The following APBA2 variants were observed in gnomAD, a reference collection of about 807,000 sequenced individuals.
APBA2 encodes the protein amyloid beta precursor protein binding family A member 2, also known as amyloid-beta A4 precursor protein-binding family A member 2.
Under a neutral mutation model 75.0 loss-of-function variants are expected in APBA2, and 30 were observed. The ratio of observed to expected loss-of-function variants is 0.40; its 90% confidence interval spans 0.30 to 0.54. The LOEUF (loss-of-function observed/expected upper bound fraction) is 0.54, where lower values mean the gene tolerates loss of function less well. Among genes scored for constraint, APBA2 ranks in the 20% least tolerant of loss-of-function variants. The pLI is 0.49. For missense variants in APBA2, 801 were observed against 1,016.1 expected (o/e 0.79, Z 2.88); for synonymous variants, 444 against 409.6 (o/e 1.08, Z -1.01).
Position 29,065,391 on chromosome 15 carries a change from C to T in APBA2, c.952-9530C>T, listed in dbSNP as rs527304716. On this transcript the variant is annotated intron_variant, in intron 4 of 14. Coordinates refer to ENST00000683413, the MANE Select transcript of APBA2 (RefSeq NM_001353788.2). The stretch of plus-strand genomic sequence containing the variant: ...GGTGTGCTTGCCCAAGATGTGATAG[C>T]GTGGTGATGGCAGACATGGGAGTTT... Among the ~76,000 whole-genome samples the T allele has an allele frequency of 6.7e-4, 102 of 152,272 alleles. 1 individual carries two copies. The highest frequency in any genetic ancestry group is 3.4e-3 in the Middle Eastern group (1 of 294).
intron 3 of APBA2, among the ~76,000 whole-genome samples, chr15:29,007,919 T>C (rs147932625): frequency 6.6e-6 from 1 of 152,316 alleles, no homozygotes; most frequent in Non-Finnish European, 1.5e-5. Context: ...CAAGGAAATA[T>C]CTGTACATTC....
At chr15:28,964,475 A>G (rs1350051139) in intron 2 of APBA2, among the ~76,000 whole-genome samples, 2 of 143,546 alleles carry the variant, frequency 1.4e-5, no homozygotes, top group Non-Finnish European at 3.0e-5. Context: ...ATATCTGTTC[A>G]TCACTTTTGC....
At chr15:28,988,240 T>C (rs190246325) in intron 2 of APBA2, among the ~76,000 whole-genome samples, 1 of 152,036 alleles carries the variant, frequency 6.6e-6, no homozygotes, top group East Asian at 1.9e-4. Context: ...GTAAATGATA[T>C]CACCTTGTAT....
chr15:28,990,245 A>G (rs1016917119), intron 2 of APBA2, among the ~76,000 whole-genome samples: 4 of 152,124 alleles, frequency 2.6e-5, no homozygotes, highest in Admixed American at 2.6e-4. Flanking sequence ...CTGCGTCTTT[A>G]CTAAAAATAC....
intron 4 of APBA2, among the ~76,000 whole-genome samples, chr15:29,073,464 C>T (rs2042713361): frequency 1.3e-5 from 2 of 152,232 alleles, no homozygotes; most frequent in Non-Finnish European, 2.9e-5. Context: ...GATTCTCCTG[C>T]CTCAGCCTCC....
At chr15:29,081,812 G>C (rs558839722) in intron 6 of APBA2, among the ~76,000 whole-genome samples, 1 of 152,356 alleles carries the variant, frequency 6.6e-6, no homozygotes. Flanking sequence ...ACTGATTGTT[G>C]GGAGATTTCC....
intron 3 of APBA2, among the ~76,000 whole-genome samples, chr15:28,997,417 A>G (rs1211077387): frequency 1.3e-5 from 2 of 152,202 alleles, no homozygotes; most frequent in East Asian, 3.9e-4. Context: ...TTAACTTTCT[A>G]CTTAGGGTTG....
At chr15:28,924,692 T>C (rs1044873343) in intron 2 of APBA2, among the ~76,000 whole-genome samples, 9 of 152,206 alleles carry the variant, frequency 5.9e-5, no homozygotes, top group African/African-American at 2.2e-4. Flanking sequence ...TTCCACCTTT[T>C]GACTGTCAGG....
chr15:29,109,174 A>T (rs906217675), intron 13 of APBA2, among the ~76,000 whole-genome samples: 1 of 152,128 alleles, frequency 6.6e-6, no homozygotes, highest in African/African-American at 2.4e-5. Flanking sequence ...TGTGGAGGTG[A>T]TGGGGAGGGT....
chr15:28,894,877 G>C (rs2032370649), intron 1 of APBA2, among the ~76,000 whole-genome samples: 1 of 151,984 alleles, frequency 6.6e-6, no homozygotes, highest in Admixed American at 6.5e-5. Context: ...TGCACTGCAT[G>C]GGGTGGGGAG....
At chr15:29,008,224 G>A (rs1331243529) in intron 3 of APBA2, among the ~76,000 whole-genome samples, 3 of 152,252 alleles carry the variant, frequency 2.0e-5, no homozygotes, top group Non-Finnish European at 4.4e-5. Context: ...TGGTTGCCAG[G>A]GGCTAGAAGG....
At chr15:29,098,983 C>T (rs2043988682) in intron 9 of APBA2, among the ~76,000 whole-genome samples, 1 of 151,942 alleles carries the variant, frequency 6.6e-6, no homozygotes, top group Non-Finnish European at 1.5e-5. Flanking sequence ...CAGGGGCGCC[C>T]TTCCTCATCC....
At chr15:29,056,659 C>CTCTCTCTCTT (rs1370506935) in intron 4 of APBA2, among the ~76,000 whole-genome samples, 1 of 135,404 alleles carries the variant, frequency 7.4e-6, no homozygotes, top group Non-Finnish European at 1.6e-5. Flanking sequence ...CTCTCTCTCT[C>CTCTCTCTCTT]TCTCTTTCTT....
chr15:29,086,391 C>T (rs2043293787), intron 6 of APBA2, among the ~76,000 whole-genome samples: 1 of 152,234 alleles, frequency 6.6e-6, no homozygotes, highest in African/African-American at 2.4e-5. Context: ...TTTTGAGCCA[C>T]TAAATTCCCG....
At position 29,101,689 on chromosome 15, in the gene APBA2, CG is replaced by C; in HGVS notation, c.1431del (p.Ser478GlnfsTer22). 6.2e-7 allele frequency: 1 copy of C among 1,613,680 alleles called. No homozygotes were observed. The highest frequency in any genetic ancestry group is 8.5e-7 in the Non-Finnish European group (1 of 1,180,034). On this transcript the variant is annotated frameshift_variant, in exon 10 of 15. Coordinates refer to ENST00000683413, the MANE Select transcript of APBA2 (RefSeq NM_001353788.2). LOFTEE classifies it high-confidence loss of function. ...GCTGATGGCCAGACGCCGCATGCCCCGGTCAGCCTCTCAGGACTGCATCGAG... is the reference window on the plus strand; with the variant it reads ...GCTGATGGCCAGACGCCGCATGCCCCGTCAGCCTCTCAGGACTGCATCGAG... The part of the protein sequence containing the change: ...VVLMARRRMP[R>X]SASQDCIETT...
chr15:28,992,235 A>G (rs1324629597), intron 2 of APBA2, among the ~76,000 whole-genome samples: 1 of 152,004 alleles, frequency 6.6e-6, no homozygotes. Context: ...CTCCCCAGCC[A>G]TTTGGGTCAC....
chr15:28,980,202 T>C (rs891968790), intron 2 of APBA2, among the ~76,000 whole-genome samples: 1 of 152,146 alleles, frequency 6.6e-6, no homozygotes, highest in Non-Finnish European at 1.5e-5. Flanking sequence ...AGTTTGGTCA[T>C]GTAAGATTTG....
At chr15:29,114,385 C>A (rs901449460) in intron 14 of APBA2, among the ~76,000 whole-genome samples, 1 of 152,228 alleles carries the variant, frequency 6.6e-6, no homozygotes, top group African/African-American at 2.4e-5. Context: ...TTGCCCTGTC[C>A]CACTTCACTG....
chr15:29,113,626 G>T (rs201575096), intron 13 of APBA2, among the ~76,000 whole-genome samples: 1 of 152,216 alleles, frequency 6.6e-6, no homozygotes, highest in East Asian at 1.9e-4. Context: ...GGGAGGTGCA[G>T]CTGGGGGACA....
Sources: allele counts gnomAD v4.1 joint callset (sites outside exome capture counted in the v4.1 genomes callset), GRCh38; gene constraint gnomAD v4.1.1; transcripts MANE v1.5; gene names NCBI Gene and HGNC (gene_info 2026-07-23, HGNC 2026-07-21).